SHISA9: variants seen among roughly 807,000 people sequenced by gnomAD.
SHISA9 encodes shisa family member 9.
A neutral mutation model predicts 38.0 loss-of-function variants in SHISA9; 13 were observed. That is an observed-to-expected ratio of 0.34 (90% CI 0.22 to 0.54). SHISA9 has a LOEUF of 0.54. Ranked by LOEUF, SHISA9 falls within the 20% of genes least tolerant of loss-of-function variation. The pLI is 0.91. For synonymous variants in SHISA9, 275 were observed against 242.0 expected, an observed-to-expected ratio of 1.14 and a Z score of -1.27; for missense variants, 538 against 575.8, an observed-to-expected ratio of 0.93 and a Z score of 0.67.
chr16:13,031,357 T>C (rs1312565478), intron 2 of SHISA9, among the ~76,000 whole-genome samples: 2 of 152,188 alleles, frequency 1.3e-5, no homozygotes, highest in Non-Finnish European at 2.9e-5. Context: ...TATTCAGCCA[T>C]TGCACCCTCT....
At chr16:13,439,597 G>C in the SHISA9 span, among the ~76,000 whole-genome samples, 3 of 152,160 alleles carry the variant, frequency 2.0e-5, no homozygotes, top group Admixed American at 2.0e-4. Flanking sequence ...AGATGTAATG[G>C]CTTGGAAGGG....
chr16:12,977,278 TA>T lies in SHISA9; in HGVS notation c.691+60464del, dbSNP rs202024533. 6.1e-3 allele frequency among the ~76,000 whole-genome samples: 923 copies of T among 152,152 alleles called. 7 individuals carry two copies. Among genetic ancestry groups the T allele is most frequent in the Middle Eastern group, 0.034 (10 of 294 alleles). The stretch of plus-strand genomic sequence containing the variant: ...GCCCTTGCTCTCAGGGAATTCATGA[TA>T]GGGGGAAGAAGTGGTGATGGGGAGA... On this transcript the variant is annotated intron_variant, in intron 2 of 4. Transcript: ENST00000558583.
At chr16:13,536,509 A>G in the SHISA9 span, among the ~76,000 whole-genome samples, 9 of 152,216 alleles carry the variant, frequency 5.9e-5, no homozygotes, top group African/African-American at 2.2e-4. Flanking sequence ...GGAGTATAAG[A>G]ACAAACGAAT....
chr16:12,974,486 T>G (rs1237269955), intron 2 of SHISA9, among the ~76,000 whole-genome samples: 1 of 135,156 alleles, frequency 7.4e-6, no homozygotes, highest in African/African-American at 2.9e-5. Flanking sequence ...GTGGTTTTTT[T>G]TTTTTTTTTT....
chr16:13,022,146 C>G (rs1215661753), intron 2 of SHISA9, among the ~76,000 whole-genome samples: 1 of 152,020 alleles, frequency 6.6e-6, no homozygotes, highest in Non-Finnish European at 1.5e-5. Context: ...TCAAATCTCC[C>G]CCTGCCTTAC....
chr16:13,219,124 G>A (rs745981597), intron 4 of SHISA9, among the ~76,000 whole-genome samples: 3 of 152,156 alleles, frequency 2.0e-5, no homozygotes, highest in African/African-American at 4.8e-5. Flanking sequence ...GGAACCCATA[G>A]GGCATGAAAT....
the SHISA9 span, among the ~76,000 whole-genome samples, chr16:13,502,818 A>G: frequency 6.6e-6 from 1 of 152,206 alleles, no homozygotes; most frequent in Non-Finnish European, 1.5e-5. Context: ...CAGAGGTTGT[A>G]GTGAGCTAAG....
At chr16:13,494,573 A>G in the SHISA9 span, among the ~76,000 whole-genome samples, 2 of 152,246 alleles carry the variant, frequency 1.3e-5, no homozygotes, top group Non-Finnish European at 2.9e-5. Flanking sequence ...TATGAGAAAG[A>G]GAAGAAAATT....
chr16:13,034,179 G>A (rs2073026063), intron 2 of SHISA9, among the ~76,000 whole-genome samples: 1 of 151,688 alleles, frequency 6.6e-6, no homozygotes, highest in African/African-American at 2.4e-5. Context: ...CATCTGAGAC[G>A]AGCATCTTTA....
At chr16:13,200,442 A>ACACACACACAC (rs1555470817) in intron 2 of SHISA9, among the ~76,000 whole-genome samples, 150 of 132,324 alleles carry the variant, frequency 1.1e-3, no homozygotes, top group African/African-American at 3.9e-3. Flanking sequence ...ACACACACAC[A>ACACACACACAC]GCAGCAGCAG....
At chr16:13,308,343 T>A in the SHISA9 span, among the ~76,000 whole-genome samples, 16 of 152,122 alleles carry the variant, frequency 1.1e-4, no homozygotes. Context: ...GCATTGTTAG[T>A]TGAAGTGGAA....
the SHISA9 span, chr16:13,331,984 A>G: frequency 2.0e-5 from 3 of 152,178 alleles, no homozygotes; most frequent in South Asian, 6.2e-4. Flanking sequence ...GGTCTCTCAT[A>G]ATAACCTGGC....
intron 2 of SHISA9, among the ~76,000 whole-genome samples, chr16:12,989,732 A>T (rs2072359941): frequency 6.6e-6 from 1 of 152,182 alleles, no homozygotes. Context: ...AGACAAATAC[A>T]TAATATTCTA....
chr16:13,094,138 A>T (rs2073802708), intron 2 of SHISA9, among the ~76,000 whole-genome samples: 2 of 152,150 alleles, frequency 1.3e-5, no homozygotes, highest in South Asian at 4.1e-4. Context: ...GAAAGAAAAG[A>T]TTGTCATTGT....
chr16:12,974,191 C>T (rs2072123662), intron 2 of SHISA9, among the ~76,000 whole-genome samples: 1 of 152,148 alleles, frequency 6.6e-6, no homozygotes, highest in African/African-American at 2.4e-5. Flanking sequence ...ATTCACTGCT[C>T]ATGACTCAAA....
At chr16:13,514,592 A>G in the SHISA9 span, among the ~76,000 whole-genome samples, 2 of 152,202 alleles carry the variant, frequency 1.3e-5, no homozygotes, top group Non-Finnish European at 2.9e-5. Context: ...AAGATGAGAC[A>G]CTACAAAAGA....
intron 1 of SHISA9, chr16:12,909,253 A>G (rs1041724518): frequency 1.0e-6 from 1 of 983,804 alleles, no homozygotes; most frequent in Non-Finnish European, 1.2e-6. Context: ...AAATGCACAC[A>G]TTGTAAGTGT....
the SHISA9 span, among the ~76,000 whole-genome samples, chr16:13,367,706 GCGCGCGCACA>G: frequency 1.4e-4 from 16 of 115,646 alleles, no homozygotes; most frequent in Non-Finnish European, 1.8e-4. Flanking sequence ...GTGCGCGCGC[GCGCGCGCACA>G]CACACACACA....
chr16:13,232,532 A>G (rs2142086408), intron 4 of SHISA9, among the ~76,000 whole-genome samples: 1 of 152,318 alleles, frequency 6.6e-6, no homozygotes, highest in South Asian at 2.1e-4. Flanking sequence ...AATAGGAGTG[A>G]CCATGGCCCA....
Sources: allele counts gnomAD v4.1 joint callset (sites outside exome capture counted in the v4.1 genomes callset), GRCh38; gene constraint gnomAD v4.1.1; transcripts MANE v1.5; gene names NCBI Gene and HGNC (gene_info 2026-07-23, HGNC 2026-07-21).